The following HLA-E variants were observed in gnomAD, a reference collection of about 807,000 sequenced individuals.
HLA-E encodes major histocompatibility complex, class I, E, also known as HLA class I histocompatibility antigen, alpha chain E.
Under a neutral mutation model 43.4 loss-of-function variants are expected in HLA-E, and 25 were observed. That is an observed-to-expected ratio of 0.58 (90% CI 0.42 to 0.80). The LOEUF (loss-of-function observed/expected upper bound fraction) is 0.80. Among genes scored for constraint, HLA-E ranks in the 30% least tolerant of loss-of-function variants. The pLI, the probability that HLA-E is intolerant of heterozygous loss-of-function variation, is 0.00. For synonymous variants in HLA-E, 161 were observed against 197.6 expected, an observed-to-expected ratio of 0.81 and a Z score of 1.55; for missense variants, 343 against 470.0, an observed-to-expected ratio of 0.73 and a Z score of 2.50.
At position 30,490,137 on chromosome 6, in the gene HLA-E, GC is replaced by G; in HGVS notation, c.335-102del. On this transcript the variant is annotated intron_variant, in intron 2 of 7. Coordinates refer to ENST00000376630, the MANE Select transcript of HLA-E (RefSeq NM_005516.6). This position sits in a 1 kb window ranked among gnomAD's most constrained non-coding sequence, Gnocchi z 6.6. ...GACCCTAGACCGGGGAGAGTCTCAGGCGCCTTTACCCGGTTCTTTTTCAGTT... is the reference window on the plus strand; with the variant it reads ...GACCCTAGACCGGGGAGAGTCTCAGGGCCTTTACCCGGTTCTTTTTCAGTT... 1 of 1,516,226 alleles carries G rather than the reference GC, an allele frequency of 6.6e-7. No individual in the cohort carries two copies. Among genetic ancestry groups the G allele is most frequent in the Non-Finnish European group, 8.9e-7 (1 of 1,119,038 alleles). 93.9% of individuals were successfully genotyped at this position (1,516,226 alleles called of 1,614,324 possible).
chr6:30,492,594 G>A lies in HLA-E; in HGVS notation c.*2+11G>A. 1 of 1,613,788 alleles carries A rather than the reference G, an allele frequency of 6.2e-7. No individual in the cohort carries two copies. On this transcript the variant is annotated intron_variant, in intron 7 of 7. Coordinates refer to ENST00000376630, the MANE Select transcript of HLA-E (RefSeq NM_005516.6). This position sits in a 1 kb window ranked among gnomAD's most constrained non-coding sequence, Gnocchi z 4.5. ...TCACAGCTTGTAAAGGTGAGATTCT[G>A]GGGGTCTGAAGTGGGTGGAGGGTGG...
rs1796497503 is a variant in HLA-E at position 30,491,011 on chromosome 6, T to C, written c.611-126T>C. 1 of 1,303,140 alleles carries C rather than the reference T, an allele frequency of 7.7e-7. No homozygotes were observed. The highest frequency in any genetic ancestry group is 1.1e-6 in the Non-Finnish European group (1 of 933,358). The allele number at this position is 1,303,140 out of a possible 1,614,324, so 80.7% of individuals were successfully genotyped here. A position where few individuals can be genotyped will look rare whatever the true frequency, so the allele number is the denominator to read the frequency against. On this transcript the variant is annotated intron_variant, in intron 3 of 7. Transcript: ENST00000376630. This position sits in a 1 kb window ranked among gnomAD's most constrained non-coding sequence, Gnocchi z 5.4. The stretch of plus-strand genomic sequence containing the variant: ...TCCCAGATCCCTAAGTCCAGGCTGG[T>C]GTCAAGGTTTTGTCCTCTTCTCCTA...
In HLA-E at chr6:30,491,525, C is replaced by T. The variant is rs1796537304; in HGVS notation, c.887-12C>T. On this transcript the variant is annotated splice_polypyrimidine_tract_variant and intron_variant, in intron 4 of 7. Coordinates refer to ENST00000376630, the MANE Select transcript of HLA-E (RefSeq NM_005516.6). The surrounding 1 kb of genome is among the most constrained non-coding windows in gnomAD (Gnocchi z 5.4). ...GGGGGTCAGGGCCCCTTACGTTCCC[C>T]TCTTTTCCCAGAGCCGGCTTCCCAG... The T allele has an allele frequency of 1.9e-6, 3 of 1,613,032 alleles. No individual in the cohort carries two copies. In the African/African-American group the frequency reaches 4.0e-5, roughly 21 times the overall value.
Position 30,492,265 on chromosome 6 carries a change from C to T in HLA-E, c.1004-139C>T. ...TTGATCCAGGACCCACACCTGCTTTCTTCACGTTTCCTGATCCTGCCCTGG... is the reference window on the plus strand; with the variant it reads ...TTGATCCAGGACCCACACCTGCTTTTTTCACGTTTCCTGATCCTGCCCTGG... On this transcript the variant is annotated intron_variant, in intron 5 of 7. Transcript: ENST00000376630. The surrounding 1 kb of genome is among the most constrained non-coding windows in gnomAD (Gnocchi z 4.5). The T allele has an allele frequency of 2.2e-6, 2 of 891,860 alleles. No individual in the cohort carries two copies. The highest frequency in any genetic ancestry group is 2.6e-5 in the South Asian group (2 of 76,018). The allele number at this position is 891,860 out of a possible 1,614,324, so 55.2% of individuals were successfully genotyped here. A position where few individuals can be genotyped will look rare whatever the true frequency, so the allele number is the denominator to read the frequency against.
rs1796567243 is a variant in HLA-E, at chr6:30,491,900, A to G, written c.1003+247A>G. ...CAACCTCCGCCTCCCAGGTTCAAGC[A>G]ATTCTCCTGCCTCAGCCTCCCTAGT... On this transcript the variant is annotated intron_variant, in intron 5 of 7. Coordinates refer to ENST00000376630, the MANE Select transcript of HLA-E (RefSeq NM_005516.6). This position sits in a 1 kb window ranked among gnomAD's most constrained non-coding sequence, Gnocchi z 5.4. Among the ~76,000 whole-genome samples the G allele has an allele frequency of 6.6e-6, 1 of 151,734 alleles. No individual in the cohort carries two copies. The highest frequency in any genetic ancestry group is 1.5e-5 in the Non-Finnish European group (1 of 67,936).
Position 30,491,963 on chromosome 6 carries a change from ATTTT to A in HLA-E, c.1003+318_1003+321del, listed in dbSNP as rs200919744. ...ACATGCGTGCCACCACACCTGGCTA[ATTTT>A]TTTTTTTGTATTTTTAGTGGAGATG... is the stretch of plus-strand genomic sequence containing the variant. On this transcript the variant is annotated intron_variant, in intron 5 of 7. Coordinates refer to ENST00000376630, the MANE Select transcript of HLA-E (RefSeq NM_005516.6). This position sits in a 1 kb window ranked among gnomAD's most constrained non-coding sequence, Gnocchi z 5.4. Among the ~76,000 whole-genome samples, 8 of 147,074 alleles carry A rather than the reference ATTTT, an allele frequency of 5.4e-5. No individual in the cohort carries two copies. Among genetic ancestry groups the A allele is most frequent in the African/African-American group, 1.7e-4 (7 of 40,270 alleles).
Position 30,490,136 on chromosome 6 carries a change from G to A in HLA-E, c.335-104G>A. 6.6e-7 allele frequency: 1 copy of A among 1,515,174 alleles called. No homozygotes were observed. Among genetic ancestry groups the A allele is most frequent in the Non-Finnish European group, 8.9e-7 (1 of 1,117,838 alleles). The allele number at this position is 1,515,174 out of a possible 1,614,324, so 93.9% of individuals were successfully genotyped here. A position where few individuals can be genotyped will look rare whatever the true frequency, so the allele number is the denominator to read the frequency against. On this transcript the variant is annotated intron_variant, in intron 2 of 7. Coordinates refer to ENST00000376630, the MANE Select transcript of HLA-E (RefSeq NM_005516.6). This position sits in a 1 kb window ranked among gnomAD's most constrained non-coding sequence, Gnocchi z 6.6. ...AGACCCTAGACCGGGGAGAGTCTCA[G>A]GCGCCTTTACCCGGTTCTTTTTCAG... is the stretch of plus-strand genomic sequence containing the variant.
In HLA-E at chr6:30,492,423, C is replaced by T. The variant is rs1246201955; in HGVS notation, c.1023C>T (p.Tyr341=). The T allele has an allele frequency of 1.2e-6, 2 of 1,614,188 alleles. No homozygotes were observed. The highest frequency in any genetic ancestry group is 1.1e-5 in the South Asian group (1 of 91,088). The stretch of plus-strand genomic sequence containing the variant: ...CAACAGGTGGAAAAGGAGGGAGCTA[C>T]TCTAAGGCTGAGTGTAAGTGCGGGG... ...KKSSGGKGGS[Y]SKAEWSDSAQ... Residue 341 remains tyrosine, a synonymous_variant, in exon 6 of 8, where the codon TAC becomes TAT. Transcript: ENST00000376630. The surrounding 1 kb of genome is among the most constrained non-coding windows in gnomAD (Gnocchi z 4.5).
chr6:30,493,031 T>C lies in HLA-E; in HGVS notation c.*285T>C, dbSNP rs192326720. ...AACCTGGGCAGAGTGCGGCAGCTCATGCCTGTAATCCCAGCACTTAGGGAG... is the reference window on the plus strand; with the variant it reads ...AACCTGGGCAGAGTGCGGCAGCTCACGCCTGTAATCCCAGCACTTAGGGAG... On this transcript the variant is annotated 3_prime_UTR_variant, in exon 8 of 8. Coordinates refer to ENST00000376630, the MANE Select transcript of HLA-E (RefSeq NM_005516.6). The surrounding 1 kb of genome is among the most constrained non-coding windows in gnomAD (Gnocchi z 5.5). 6.3e-4 allele frequency: 113 copies of C among 180,290 alleles called. No homozygotes were observed. The highest frequency in any genetic ancestry group is 1.3e-3 in the South Asian group (12 of 8,908). 11.2% of individuals were successfully genotyped at this position (180,290 alleles called of 1,614,324 possible).
At position 30,491,511 on chromosome 6, in the gene HLA-E, C is replaced by G. The variant is rs1369834544; in HGVS notation, c.887-26C>G. ...CAGGGCTGAGGCCTGGGGGTCAGGG[C>G]CCCTTACGTTCCCCTCTTTTCCCAG... On this transcript the variant is annotated intron_variant, in intron 4 of 7. Transcript: ENST00000376630. This position sits in a 1 kb window ranked among gnomAD's most constrained non-coding sequence, Gnocchi z 5.4. The G allele has an allele frequency of 6.2e-7, 1 of 1,610,808 alleles. No individual in the cohort carries two copies. Among genetic ancestry groups the G allele is most frequent in the Non-Finnish European group, 8.5e-7 (1 of 1,177,802 alleles).
At position 30,489,896 on chromosome 6, in the gene HLA-E, G is replaced by C; in HGVS notation, c.235G>C (p.Glu79Gln). The C allele has an allele frequency of 6.2e-7, 1 of 1,613,080 alleles. No homozygotes were observed. The highest frequency in any genetic ancestry group is 8.5e-7 in the Non-Finnish European group (1 of 1,180,018). Residue 79 changes from glutamate (E) to glutamine (Q), a missense_variant, in exon 2 of 8, where the codon GAG becomes CAG. Glu to Gln is a conservative substitution (Grantham distance 29, BLOSUM62 2). Around this residue, in one of 3 missense-constraint regions of HLA-E, gnomAD observed 94 missense variants for 144.4 expected, o/e 0.65. Coordinates refer to ENST00000376630, the MANE Select transcript of HLA-E (RefSeq NM_005516.6). This position sits in a 1 kb window ranked among gnomAD's most constrained non-coding sequence, Gnocchi z 5.6. ...GCCGTGGATGGAGCAGGAGGGGTCA[G>C]AGTATTGGGACCGGGAGACACGGAG... ...RAPWMEQEGSEYWDRETRSAR... is the reference protein window; with the variant it reads ...RAPWMEQEGSQYWDRETRSAR...
rs1021720453 is a variant in HLA-E, at chr6:30,493,930, G to A, written c.*1184G>A. The A allele has an allele frequency of 1.3e-5, 2 of 152,318 alleles. No individual in the cohort carries two copies. The highest frequency in any genetic ancestry group is 4.8e-5 in the African/African-American group (2 of 41,458). 9.4% of individuals were successfully genotyped at this position (152,318 alleles called of 1,614,324 possible). A position where few individuals can be genotyped will look rare whatever the true frequency, so the allele number is the denominator to read the frequency against. On this transcript the variant is annotated 3_prime_UTR_variant, in exon 8 of 8. Transcript: ENST00000376630. The surrounding 1 kb of genome is among the most constrained non-coding windows in gnomAD (Gnocchi z 5.5). ...GCAGCGCCCCCTTGGGAAAGCTTTA[G>A]GCACCAGCCTGCAACCCATTCGAGC...
chr6:30,490,393 TCTC>T lies in HLA-E; in HGVS notation c.490_492del (p.Ser164del). 1.9e-6 allele frequency: 3 copies of T among 1,612,952 alleles called. No individual in the cohort carries two copies. The highest frequency in any genetic ancestry group is 2.5e-6 in the Non-Finnish European group (3 of 1,180,010). ...ACCGCGGTGGACACGGCGGCTCAGA[TCTC>T]CGAGCAAAAGTCAAATGATGCCTCT... On this transcript the variant is annotated inframe_deletion, in exon 3 of 8. Coordinates refer to ENST00000376630, the MANE Select transcript of HLA-E (RefSeq NM_005516.6). This position sits in a 1 kb window ranked among gnomAD's most constrained non-coding sequence, Gnocchi z 6.6.
rs41265828 is a variant in HLA-E at position 30,490,545 on chromosome 6, T to C, written c.610+30T>C. ...GAGGGTCCACAGGGCTACTCTCCCA[T>C]CTCCTTCTTGGGCTAGGACTGTGCC... On this transcript the variant is annotated intron_variant, in intron 3 of 7. Coordinates refer to ENST00000376630, the MANE Select transcript of HLA-E (RefSeq NM_005516.6). The surrounding 1 kb of genome is among the most constrained non-coding windows in gnomAD (Gnocchi z 6.6). 2 of 1,600,054 alleles carry C rather than the reference T, an allele frequency of 1.2e-6. No homozygotes were observed. Among genetic ancestry groups the C allele is most frequent in the Non-Finnish European group, 1.7e-6 (2 of 1,172,680 alleles).
rs1295131694 is a variant in HLA-E at position 30,492,034 on chromosome 6, T to A, written c.1004-370T>A. 6.6e-6 allele frequency among the ~76,000 whole-genome samples: 1 copy of A among 151,996 alleles called. No individual in the cohort carries two copies. The highest frequency in any genetic ancestry group is 1.5e-5 in the Non-Finnish European group (1 of 67,986). On this transcript the variant is annotated intron_variant, in intron 5 of 7. Coordinates refer to ENST00000376630, the MANE Select transcript of HLA-E (RefSeq NM_005516.6). This position sits in a 1 kb window ranked among gnomAD's most constrained non-coding sequence, Gnocchi z 4.5. The stretch of plus-strand genomic sequence containing the variant: ...GCCAGGCTGGTCTCGAACTCCTGAC[T>A]TTGTGATCTGCCTGCCTCGGCCTCC...
chr6:30,492,674 G>C lies in HLA-E; in HGVS notation c.*3-75G>C. 1 of 1,297,228 alleles carries C rather than the reference G, an allele frequency of 7.7e-7. No homozygotes were observed. The highest frequency in any genetic ancestry group is 1.1e-6 in the Non-Finnish European group (1 of 909,060). 80.4% of individuals were successfully genotyped at this position (1,297,228 alleles called of 1,614,324 possible). A position where few individuals can be genotyped will look rare whatever the true frequency, so the allele number is the denominator to read the frequency against. On this transcript the variant is annotated intron_variant, in intron 7 of 7. Coordinates refer to ENST00000376630, the MANE Select transcript of HLA-E (RefSeq NM_005516.6). This position sits in a 1 kb window ranked among gnomAD's most constrained non-coding sequence, Gnocchi z 4.5. ...ATTTTTTGATTCAGAATTTTTGAGT[G>C]TGTGGTGGGCTGTTCAGAGTGTCAT...
rs1421413835 is a variant in HLA-E, at chr6:30,491,490, G to A, written c.887-47G>A. ...TCTGGAGCCCTTCCGCAGGGTCAGG[G>A]CTGAGGCCTGGGGGTCAGGGCCCCT... On this transcript the variant is annotated intron_variant, in intron 4 of 7. Transcript: ENST00000376630. The surrounding 1 kb of genome is among the most constrained non-coding windows in gnomAD (Gnocchi z 5.4). 19 of 1,611,242 alleles carry A rather than the reference G, an allele frequency of 1.2e-5. No homozygotes were observed. Among genetic ancestry groups the A allele is most frequent in the Non-Finnish European group, 1.6e-5 (19 of 1,178,314 alleles).
In HLA-E at chr6:30,490,954, G is replaced by A. The variant is rs569116307; in HGVS notation, c.611-183G>A. On this transcript the variant is annotated intron_variant, in intron 3 of 7. Coordinates refer to ENST00000376630, the MANE Select transcript of HLA-E (RefSeq NM_005516.6). The surrounding 1 kb of genome is among the most constrained non-coding windows in gnomAD (Gnocchi z 6.6). ...CTTCTACCCTGGGCTAGCTCATCCC[G>A]ATTCTAGAACTTTCCAAGGAATAAG... 6.6e-6 allele frequency among the ~76,000 whole-genome samples: 1 copy of A among 152,144 alleles called. No homozygotes were observed. The highest frequency in any genetic ancestry group is 2.1e-4 in the South Asian group (1 of 4,838).
Position 30,492,776 on chromosome 6 carries a change from G to C in HLA-E, c.*30G>C. 1.4e-6 allele frequency: 1 copy of C among 693,626 alleles called. No homozygotes were observed. The highest frequency in any genetic ancestry group is 2.6e-6 in the Non-Finnish European group (1 of 385,516). The allele number at this position is 693,626 out of a possible 1,614,324, so 43.0% of individuals were successfully genotyped here. The stretch of plus-strand genomic sequence containing the variant: ...TGAGACAGCTGCCTTGTGTGCGACT[G>C]AGATGCACAGCTGCCTTGTGTGCGA... On this transcript the variant is annotated 3_prime_UTR_variant, in exon 8 of 8. Transcript: ENST00000376630. This position sits in a 1 kb window ranked among gnomAD's most constrained non-coding sequence, Gnocchi z 4.5.
Sources: allele counts gnomAD v4.1 joint callset (sites outside exome capture counted in the v4.1 genomes callset), GRCh38; gene constraint gnomAD v4.1.1; regional missense constraint gnomAD v4.1.1; non-coding constraint Gnocchi (gnomAD v3.1); transcripts MANE v1.5; gene names NCBI Gene and HGNC (gene_info 2026-07-23, HGNC 2026-07-21).